MARCHF1: variants seen among roughly 807,000 people sequenced by gnomAD.
MARCHF1 encodes the protein E3 ubiquitin-protein ligase MARCHF1.
MARCHF1 carries 40 observed loss-of-function variants against 54.2 expected under a neutral mutation model. That is an observed-to-expected ratio of 0.74 (90% CI 0.57 to 0.96). The LOEUF is 0.96. MARCHF1 is among the 40% of genes least tolerant of loss of function. MARCHF1 has a pLI of 0.00. For missense variants in MARCHF1, 586 were observed against 656.5 expected (o/e 0.89, Z 1.17); for synonymous variants, 236 against 236.3 (o/e 1.00, Z 0.01).
chr4:163,561,284 T>C (rs530890699), intron 8 of MARCHF1, among the ~76,000 whole-genome samples: 151 of 152,300 alleles, frequency 9.9e-4, no homozygotes, highest in South Asian at 1.4e-3. Flanking sequence ...CTCAAAGTCA[T>C]ACAAATTTTT....
intron 4 of MARCHF1, among the ~76,000 whole-genome samples, chr4:163,800,741 A>G (rs753454985): frequency 2.0e-4 from 31 of 152,252 alleles, no homozygotes; most frequent in Middle Eastern, 3.4e-3. Context: ...GTTCAAAAAG[A>G]AAGTCTTCAG....
chr4:164,316,767 G>C (rs1443929574), intron 1 of MARCHF1, among the ~76,000 whole-genome samples: 1 of 152,174 alleles, frequency 6.6e-6, no homozygotes, highest in African/African-American at 2.4e-5. Flanking sequence ...AAGGAGATTG[G>C]AACATGGGGG....
intron 8 of MARCHF1, among the ~76,000 whole-genome samples, chr4:163,570,298 G>A (rs946748758): frequency 2.0e-5 from 3 of 152,050 alleles, no homozygotes; most frequent in Non-Finnish European, 4.4e-5. Flanking sequence ...CAGTGAATCT[G>A]CTACAGTGTT....
intron 1 of MARCHF1, among the ~76,000 whole-genome samples, chr4:164,352,026 A>C (rs1362155856): frequency 1.5e-4 from 20 of 135,114 alleles, no homozygotes; most frequent in Non-Finnish European, 3.1e-4. Flanking sequence ...GGAAGATGAA[A>C]TGAATGAAAT....
At chr4:164,081,174 C>T (rs1253360357) in intron 2 of MARCHF1, among the ~76,000 whole-genome samples, 2 of 115,602 alleles carry the variant, frequency 1.7e-5, no homozygotes, top group Non-Finnish European at 3.4e-5. Flanking sequence ...CGCCACTGCA[C>T]TCCAGCCTGG....
intron 3 of MARCHF1, among the ~76,000 whole-genome samples, chr4:163,955,953 T>C (rs1752225068): frequency 1.3e-5 from 2 of 152,008 alleles, no homozygotes; most frequent in Admixed American, 1.3e-4. Context: ...ATATGACAAG[T>C]AAATGCAATA....
At chr4:164,128,304 T>C (rs1427891621) in intron 1 of MARCHF1, among the ~76,000 whole-genome samples, 2 of 152,078 alleles carry the variant, frequency 1.3e-5, no homozygotes, top group African/African-American at 4.8e-5. Context: ...CCTGTATATT[T>C]AAAATACAGA....
intron 7 of MARCHF1, among the ~76,000 whole-genome samples, chr4:163,598,325 T>C (rs1282643877): frequency 2.0e-5 from 3 of 152,212 alleles, no homozygotes; most frequent in African/African-American, 7.2e-5. Context: ...CCTTTCAGGA[T>C]CTTTTGACCT....
At chr4:163,897,813 T>A (rs1750844267) in intron 3 of MARCHF1, among the ~76,000 whole-genome samples, 4 of 151,840 alleles carry the variant, frequency 2.6e-5, no homozygotes, top group Admixed American at 2.6e-4. Flanking sequence ...TCCCAGCACT[T>A]TGGGAGGCCG....
intron 1 of MARCHF1, among the ~76,000 whole-genome samples, chr4:164,338,027 A>T (rs567931322): frequency 1.3e-5 from 2 of 152,228 alleles, no homozygotes; most frequent in Non-Finnish European, 2.9e-5. Context: ...TGAAGGATAA[A>T]AACAAAAGTA....
chr4:163,580,843 C>T lies in MARCHF1; in HGVS notation c.1191+4906G>A, dbSNP rs1310132904. The stretch of plus-strand genomic sequence containing the variant: ...CGGAGTCTCGCTCTGTCGCCCAGGT[C>T]GGACTGCGGACTGCAGTGGCGCAAT... On this transcript the variant is annotated intron_variant, in intron 8 of 9. Coordinates refer to ENST00000514618, the MANE Select transcript of MARCHF1 (RefSeq NM_001394959.1). Among the ~76,000 whole-genome samples, 5 of 43,518 alleles carry T rather than the reference C, an allele frequency of 1.1e-4. 1 individual carries two copies. In the East Asian group the frequency reaches 2.7e-3, roughly 23 times the overall value. 28.5% of individuals were successfully genotyped at this position (43,518 alleles called of 152,430 possible).
intron 5 of MARCHF1, among the ~76,000 whole-genome samples, chr4:163,625,284 T>C (rs1289777494): frequency 2.6e-5 from 4 of 152,362 alleles, no homozygotes; most frequent in African/African-American, 9.6e-5. Context: ...TTAATCTTGC[T>C]CTAGCATTTA....
chr4:164,165,362 G>GTCTCTCTCTCTCTCTCTCTC (rs55721102), intron 1 of MARCHF1, among the ~76,000 whole-genome samples: 81 of 148,750 alleles, frequency 5.4e-4, no homozygotes, highest in African/African-American at 1.8e-3. Context: ...TTTTCTCTCT[G>GTCTCTCTCTCTCTCTCTCTC]TCTCTCTCTC....
chr4:164,283,602 C>T lies in MARCHF1; in HGVS notation c.-323+100268G>A. Among the ~76,000 whole-genome samples, 2 of 151,030 alleles carry T rather than the reference C, an allele frequency of 1.3e-5. 1 individual carries two copies. Among genetic ancestry groups the T allele is most frequent in the Non-Finnish European group, 2.9e-5 (2 of 67,968 alleles). ...TGAGAATTTCTGGCAGTGCCAGAAG[C>T]TCAGGAAAGTCCTGGAAACTCATCA... On this transcript the variant is annotated intron_variant, in intron 1 of 9. Transcript: ENST00000514618.
At chr4:163,583,305 T>G (rs1264473161) in intron 8 of MARCHF1, among the ~76,000 whole-genome samples, 1 of 152,214 alleles carries the variant, frequency 6.6e-6, no homozygotes, top group East Asian at 1.9e-4. Flanking sequence ...GAGTTGCACA[T>G]GAAATAATTA....
intron 4 of MARCHF1, 66 bp downstream of exon 4, chr4:163,853,955 C>G: frequency 1.4e-6 from 2 of 1,393,300 alleles, no homozygotes; most frequent in Non-Finnish European, 1.9e-6. Context: ...AGGTCATCCT[C>G]TCCACATTTC....
rs75535225 is a variant in MARCHF1, at chr4:164,212,957, T to C, written c.-322-101295A>G. Among the ~76,000 whole-genome samples, 889 of 152,284 alleles carry C rather than the reference T, an allele frequency of 5.8e-3. 4 individuals carry two copies. Among genetic ancestry groups the C allele is most frequent in the African/African-American group, 0.02 (836 of 41,542 alleles). On this transcript the variant is annotated intron_variant, in intron 1 of 9. Transcript: ENST00000514618. ...CCAGGGCATGAAAGGTTTGACTGTA[T>C]ACACATATTTTTAAATCAGTGTTTT...
At chr4:164,288,112 A>G (rs75201712) in intron 1 of MARCHF1, among the ~76,000 whole-genome samples, 3,809 of 152,224 alleles carry the variant, frequency 0.025, 111 homozygotes, top group East Asian at 0.13. Flanking sequence ...CATGATCCAC[A>G]TGGTTCAAAA....
chr4:163,906,856 A>G (rs1034497065), intron 3 of MARCHF1, among the ~76,000 whole-genome samples: 4 of 151,764 alleles, frequency 2.6e-5, no homozygotes, highest in Non-Finnish European at 5.9e-5. Flanking sequence ...AATAACCACC[A>G]TATTTTATTC....
Sources: allele counts gnomAD v4.1 joint callset (sites outside exome capture counted in the v4.1 genomes callset), GRCh38; gene constraint gnomAD v4.1.1; transcripts MANE v1.5; gene names NCBI Gene and HGNC (gene_info 2026-07-23, HGNC 2026-07-21).